ERAP1: variants seen among roughly 807,000 people sequenced by gnomAD.
The protein encoded by ERAP1 is endoplasmic reticulum aminopeptidase 1, also known as adipocyte-derived leucine aminopeptidase.
In ERAP1, 86 loss-of-function variants were observed where a neutral mutation model predicts 103.7. That is an observed-to-expected ratio of 0.83 (90% CI 0.70 to 0.99). The LOEUF (loss-of-function observed/expected upper bound fraction) is 0.99, where lower values mean the gene tolerates loss of function less well. Among genes scored for constraint, ERAP1 ranks in the 50% least tolerant of loss-of-function variants. The pLI is 0.00. For missense variants in ERAP1, 1,009 were observed against 1,128.4 expected (o/e 0.89, Z 1.52); for synonymous variants, 398 against 402.4 (o/e 0.99, Z 0.13).
the ERAP1 span, chr5:96,814,211 C>T: frequency 4.4e-6 from 2 of 455,828 alleles, no homozygotes; most frequent in Non-Finnish European, 8.8e-6. Context: ...GATTGAGAAC[C>T]TCAGTGTTTT....
chr5:96,803,100 G>C (rs1415749436), intron 2 of ERAP1, among the ~76,000 whole-genome samples: 1 of 152,098 alleles, frequency 6.6e-6, no homozygotes. Context: ...ACAGCCCTAG[G>C]AAACTAATAC....
At chr5:96,933,307 T>TC in the ERAP1 span, among the ~76,000 whole-genome samples, 1 of 137,174 alleles carries the variant, frequency 7.3e-6, no homozygotes, top group Admixed American at 8.3e-5. Context: ...AACCTCCGCC[T>TC]CCCGGGTTCA....
intron 19 of ERAP1, chr5:96,769,418 G>A (rs1263349429): frequency 6.8e-6 from 1 of 146,486 alleles, no homozygotes; most frequent in African/African-American, 2.5e-5. Flanking sequence ...TTGCCTTTTG[G>A]TACACAAAAG....
the ERAP1 span, among the ~76,000 whole-genome samples, chr5:96,911,940 A>G: frequency 3.3e-5 from 5 of 151,040 alleles, no homozygotes; most frequent in Non-Finnish European, 7.4e-5. Context: ...CTGTAATCCC[A>G]GCACTTTGGG....
intron 2 of ERAP1, among the ~76,000 whole-genome samples, chr5:96,801,292 T>G (rs997078613): frequency 1.3e-5 from 2 of 151,796 alleles, no homozygotes; most frequent in Non-Finnish European, 2.9e-5. Flanking sequence ...ACCCCATCTC[T>G]ACCAAAAATA....
Position 96,774,855 on chromosome 5 carries a change from T to A in ERAP1, c.*1541A>T. On this transcript the variant is annotated 3_prime_UTR_variant, in exon 19 of 19. Coordinates refer to ENST00000443439, the MANE Select transcript of ERAP1 (RefSeq NM_001040458.3). ...GTGAATGGTTTAATAAATGGCAGAT[T>A]TATGTCCAGAAGTCACTCTATTTTG... 1 of 985,556 alleles carries A rather than the reference T, an allele frequency of 1.0e-6. No individual in the cohort carries two copies. The highest frequency in any genetic ancestry group is 1.2e-6 in the Non-Finnish European group (1 of 829,890). 61.1% of individuals were successfully genotyped at this position (985,556 alleles called of 1,614,324 possible).
At chr5:96,912,735 G>A in the ERAP1 span, 4 of 1,601,562 alleles carry the variant, frequency 2.5e-6, no homozygotes, top group South Asian at 3.4e-5. Context: ...TCAATGTCAA[G>A]TGCTGAACAA....
the ERAP1 span, among the ~76,000 whole-genome samples, chr5:96,852,533 C>T: frequency 1.3e-5 from 2 of 152,162 alleles, no homozygotes; most frequent in African/African-American, 4.8e-5. Context: ...AAATTCCATT[C>T]CCCACATTTT....
intron 15 of ERAP1, 147 bp from the exon 16 acceptor site, chr5:96,782,001 AGTTAC>A: frequency 1.3e-6 from 1 of 753,198 alleles, no homozygotes; most frequent in East Asian, 2.8e-5. Flanking sequence ...GATTTCCTTC[AGTTAC>A]AATTTTTTTT....
the ERAP1 span, among the ~76,000 whole-genome samples, chr5:96,930,093 T>C: frequency 2.0e-5 from 3 of 152,296 alleles, no homozygotes; most frequent in Admixed American, 2.0e-4. Context: ...ACAAGCCTTA[T>C]TATACCCCTT....
At chr5:96,860,717 G>A in the ERAP1 span, among the ~76,000 whole-genome samples, 1 of 152,106 alleles carries the variant, frequency 6.6e-6, no homozygotes, top group Non-Finnish European at 1.5e-5. Flanking sequence ...AGAATTCAGG[G>A]GAGTGGAATA....
intron 6 of ERAP1, 112 bp downstream of exon 6, chr5:96,793,691 T>A (rs765425868): frequency 2.5e-6 from 3 of 1,208,350 alleles, no homozygotes; most frequent in Non-Finnish European, 3.5e-6. Flanking sequence ...GGAGAAACAA[T>A]TTTTCCTATT....
chr5:96,780,929 T>C (rs2150900539), intron 17 of ERAP1, 129 bp downstream of exon 17: 1 of 1,014,612 alleles, frequency 9.9e-7, no homozygotes, highest in Non-Finnish European at 1.5e-6. Context: ...ATATTTTAGG[T>C]ATTTCTACTG....
intron 4 of ERAP1, among the ~76,000 whole-genome samples, chr5:96,796,353 G>A (rs533353840): frequency 2.9e-4 from 44 of 152,320 alleles, no homozygotes; most frequent in Admixed American, 2.3e-3. Context: ...TGAGGAACAA[G>A]TGTGCCTTGA....
chr5:96,819,595 T>G, the ERAP1 span, among the ~76,000 whole-genome samples: 2 of 152,196 alleles, frequency 1.3e-5, no homozygotes, highest in African/African-American at 4.8e-5. Context: ...GCCTTGAAGC[T>G]TCTTCAAAAC....
At chr5:96,901,521 G>T in the ERAP1 span, 2 of 1,613,124 alleles carry the variant, frequency 1.2e-6, no homozygotes, top group African/African-American at 1.3e-5. Context: ...CTTTCTGGGG[G>T]AAAATGCAGA....
chr5:96,826,715 C>A, the ERAP1 span, among the ~76,000 whole-genome samples: 2 of 152,148 alleles, frequency 1.3e-5, no homozygotes, highest in Admixed American at 6.5e-5. Flanking sequence ...CTCCTAATTG[C>A]CCACTGGCCC....
the ERAP1 span, chr5:96,918,443 A>C: frequency 6.6e-6 from 1 of 152,232 alleles, no homozygotes; most frequent in Non-Finnish European, 1.5e-5. Flanking sequence ...ACTAGGTGTC[A>C]GGGTTTATCA....
chr5:96,851,128 A>G, the ERAP1 span, among the ~76,000 whole-genome samples: 3 of 152,216 alleles, frequency 2.0e-5, no homozygotes, highest in Non-Finnish European at 4.4e-5. Context: ...GGTAATTAAA[A>G]GCCCAGGATA....
Sources: allele counts gnomAD v4.1 joint callset (sites outside exome capture counted in the v4.1 genomes callset), GRCh38; gene constraint gnomAD v4.1.1; transcripts MANE v1.5; gene names NCBI Gene and HGNC (gene_info 2026-07-23, HGNC 2026-07-21).